ARFGEF2: variants seen among roughly 807,000 people sequenced by gnomAD.
ARFGEF2 encodes the protein brefeldin A-inhibited guanine nucleotide-exchange protein 2.
In ARFGEF2, 74 loss-of-function variants were observed where a neutral mutation model predicts 219.9. The ratio of observed to expected loss-of-function variants is 0.34; its 90% CI spans 0.28 to 0.41. ARFGEF2 has a LOEUF of 0.41. Among genes scored for constraint, ARFGEF2 ranks in the 10% least tolerant of loss-of-function variants. The probability of loss-of-function intolerance (pLI) is 1.00; values close to 1 mark genes in which losing one functional copy is unlikely to be tolerated. For synonymous variants in ARFGEF2, 733 were observed against 799.2 expected, an observed-to-expected ratio of 0.92 and a Z score of 1.40; for missense variants, 1,743 against 2,218.3, an observed-to-expected ratio of 0.79 and a Z score of 4.30.
At chr20:48,973,449 G>A (rs2091240892) in intron 12 of ARFGEF2, among the ~76,000 whole-genome samples, 165 bp downstream of exon 12, 1 of 152,190 alleles carries the variant, frequency 6.6e-6, no homozygotes, top group South Asian at 2.1e-4. Context: ...AAAGAAGTCA[G>A]TTCAGATGAT....
intron 1 of ARFGEF2, among the ~76,000 whole-genome samples, chr20:48,928,420 G>A (rs1431290110): frequency 4.1e-5 from 6 of 145,854 alleles, no homozygotes; most frequent in African/African-American, 1.5e-4. Flanking sequence ...GGATGGTCTC[G>A]ATCTCCTGAC....
At position 48,988,063 on chromosome 20, in the gene ARFGEF2, C is replaced by T. The variant is rs3795084; in HGVS notation, c.2277-241C>T. Among the ~76,000 whole-genome samples the T allele has an allele frequency of 0.1, 15,854 of 152,256 alleles. 973 individuals carry two copies. The highest frequency in any genetic ancestry group is 0.13 in the Non-Finnish European group (8,963 of 68,012). ...TCGGCCTCCCAAAGTGCTGGGATTACAGGCCTGAGCCACCACGCCCTGCCA... is the reference window on the plus strand; with the variant it reads ...TCGGCCTCCCAAAGTGCTGGGATTATAGGCCTGAGCCACCACGCCCTGCCA... On this transcript the variant is annotated intron_variant, in intron 16 of 38. Transcript: ENST00000371917.
At chr20:49,014,581 A>C (rs566851235) in intron 30 of ARFGEF2, among the ~76,000 whole-genome samples, 2 of 152,232 alleles carry the variant, frequency 1.3e-5, no homozygotes, top group African/African-American at 4.8e-5. Flanking sequence ...TACCATCCAA[A>C]ATTAGAGTTA....
At chr20:49,020,165 G>A (rs1034785122) in intron 34 of ARFGEF2, among the ~76,000 whole-genome samples, 1 of 152,146 alleles carries the variant, frequency 6.6e-6, no homozygotes, top group African/African-American at 2.4e-5. Context: ...ACTTGTGAAG[G>A]TTGTTCTGGT....
chr20:48,954,928 T>C (rs1165606393), intron 6 of ARFGEF2, among the ~76,000 whole-genome samples: 1 of 152,206 alleles, frequency 6.6e-6, no homozygotes, highest in African/African-American at 2.4e-5. Flanking sequence ...GTAACCCTTA[T>C]TAAGCTGTGA....
intron 35 of ARFGEF2, among the ~76,000 whole-genome samples, chr20:49,024,187 G>C (rs2091586404): frequency 6.6e-6 from 1 of 151,720 alleles, no homozygotes; most frequent in South Asian, 2.1e-4. Context: ...TGCCCAGCCT[G>C]GTCTCAAACT....
At chr20:48,930,690 T>G (rs909114273) in intron 1 of ARFGEF2, among the ~76,000 whole-genome samples, 2 of 152,096 alleles carry the variant, frequency 1.3e-5, no homozygotes, top group Non-Finnish European at 2.9e-5. Flanking sequence ...GAGCATTCAG[T>G]TGGACATGTG....
At chr20:49,029,900 G>A (rs2091623752) in intron 37 of ARFGEF2, among the ~76,000 whole-genome samples, 1 of 129,130 alleles carries the variant, frequency 7.7e-6, no homozygotes, top group African/African-American at 3.1e-5. Context: ...GCCTAAAAGT[G>A]AATTTTTTTT....
intron 30 of ARFGEF2, 80 bp from the exon 31 acceptor site, chr20:49,016,200 A>T: frequency 6.6e-7 from 1 of 1,516,806 alleles, no homozygotes; most frequent in Non-Finnish European, 9.1e-7. Flanking sequence ...TTTCTACAAC[A>T]GTTTTGCCAG....
rs1373989763 is a variant in ARFGEF2, at chr20:48,969,405, C to T, written c.1190+128C>T. The T allele has an allele frequency of 3.3e-5, 51 of 1,559,898 alleles. No homozygotes were observed. The East Asian group carries it at 4.1e-4, about 13-fold the overall frequency. ...CTCTTTGTCAGTGTAAGTGCAGGAA[C>T]GGTTTTACAACTTTTCAGACTCATG... On this transcript the variant is annotated intron_variant, in intron 9 of 38. Transcript: ENST00000371917.
At chr20:48,976,422 CT>C (rs1455769943) in intron 14 of ARFGEF2, among the ~76,000 whole-genome samples, 1 of 152,056 alleles carries the variant, frequency 6.6e-6, no homozygotes, top group East Asian at 1.9e-4. Context: ...TTGATGCAGC[CT>C]TTTTTCCCCC....
In ARFGEF2 at chr20:49,036,145, C is replaced by T. The variant is rs2091665069; in HGVS notation, c.*2946C>T. The T allele has an allele frequency of 2.5e-6, 1 of 398,258 alleles. No homozygotes were observed. The highest frequency in any genetic ancestry group is 4.4e-6 in the Non-Finnish European group (1 of 225,910). 24.7% of individuals were successfully genotyped at this position (398,258 alleles called of 1,614,324 possible). On this transcript the variant is annotated 3_prime_UTR_variant, in exon 39 of 39. Transcript: ENST00000371917. ...TTATGATGCAAATGGATATTGGTTT[C>T]AATAGAAGCTGGATCCTTAATACTG... is the stretch of plus-strand genomic sequence containing the variant.
chr20:48,925,021 C>T (rs1035140195), intron 1 of ARFGEF2, among the ~76,000 whole-genome samples: 2 of 152,140 alleles, frequency 1.3e-5, no homozygotes, highest in South Asian at 2.1e-4. Flanking sequence ...CTTAGTTCCT[C>T]GTTCAGGAAT....
At chr20:48,944,271 C>T (rs1179036038) in intron 3 of ARFGEF2, among the ~76,000 whole-genome samples, 5 of 152,076 alleles carry the variant, frequency 3.3e-5, no homozygotes, top group Non-Finnish European at 5.9e-5. Flanking sequence ...TTGTTCTCTC[C>T]GCATGTTAAG....
intron 23 of ARFGEF2, 125 bp downstream of exon 23, chr20:48,996,007 T>A: frequency 2.4e-6 from 2 of 841,250 alleles, no homozygotes; most frequent in Admixed American, 1.9e-5. Context: ...ACAAATTGCT[T>A]AAGTGTCACA....
intron 37 of ARFGEF2, 75 bp from the exon 38 acceptor site, chr20:49,031,974 G>T: frequency 9.6e-7 from 1 of 1,041,638 alleles, no homozygotes; most frequent in Non-Finnish European, 1.5e-6. Context: ...AATAGCACAA[G>T]AATGAATAGT....
chr20:48,937,890 C>T (rs1307081381), intron 1 of ARFGEF2, among the ~76,000 whole-genome samples: 1 of 152,206 alleles, frequency 6.6e-6, no homozygotes, highest in Non-Finnish European at 1.5e-5. Flanking sequence ...GTAAACTAGC[C>T]TTCCCAGCTG....
chr20:48,989,543 C>A lies in ARFGEF2; in HGVS notation c.2686-13C>A, dbSNP rs1173765780. ...AAACTCTGGATGTTATTGAAATCTT[C>A]CTTCCATGATAGCTGGTGTGGACGC... On this transcript the variant is annotated splice_polypyrimidine_tract_variant and intron_variant, in intron 19 of 38. Coordinates refer to ENST00000371917, the MANE Select transcript of ARFGEF2 (RefSeq NM_006420.3). 1 of 1,614,204 alleles carries A rather than the reference C, an allele frequency of 6.2e-7. No homozygotes were observed. The highest frequency in any genetic ancestry group is 1.1e-5 in the South Asian group (1 of 91,084).
At position 49,034,952 on chromosome 20, in the gene ARFGEF2, G is replaced by T. The variant is rs2091657925; in HGVS notation, c.*1753G>T. 1 of 152,134 alleles carries T rather than the reference G, an allele frequency of 6.6e-6. No individual in the cohort carries two copies. Among genetic ancestry groups the T allele is most frequent in the East Asian group, 1.9e-4 (1 of 5,204 alleles). 9.4% of individuals were successfully genotyped at this position (152,134 alleles called of 1,614,324 possible). A position where few individuals can be genotyped will look rare whatever the true frequency, so the allele number is the denominator to read the frequency against. On this transcript the variant is annotated 3_prime_UTR_variant, in exon 39 of 39. Transcript: ENST00000371917. ...TAAAAGGAGCTGTATAATTTAGCAG[G>T]AAGGGACTATGGGAGAATACTTTAC...
Sources: allele counts gnomAD v4.1 joint callset (sites outside exome capture counted in the v4.1 genomes callset), GRCh38; gene constraint gnomAD v4.1.1; transcripts MANE v1.5; gene names NCBI Gene and HGNC (gene_info 2026-07-23, HGNC 2026-07-21).